The following ANKRD52 variants were observed in gnomAD, a reference collection of about 807,000 sequenced individuals.
ANKRD52 encodes serine/threonine-protein phosphatase 6 regulatory ankyrin repeat subunit C.
A neutral mutation model predicts 116.0 loss-of-function variants in ANKRD52; 7 were observed. That is an observed-to-expected ratio of 0.06 (90% confidence interval 0.03 to 0.11). ANKRD52 has a LOEUF of 0.11. ANKRD52 is among the 10% of genes least tolerant of loss of function. The pLI is 1.00. For synonymous variants in ANKRD52, 528 were observed against 578.1 expected, an observed-to-expected ratio of 0.91 and a Z score of 1.24; for missense variants, 839 against 1,408.6, an observed-to-expected ratio of 0.60 and a Z score of 6.47.
chr12:56,258,188 T>G, intron 1 of ANKRD52, 55 bp downstream of exon 1: 1 of 1,578,238 alleles, frequency 6.3e-7, no homozygotes, highest in South Asian at 1.2e-5. Context: ...CGGGCTCGCG[T>G]GACGGCAGCG....
In ANKRD52 at chr12:56,248,159, C is replaced by T; in HGVS notation, c.1842G>A (p.Arg614=). 1 of 1,613,942 alleles carries T rather than the reference C, an allele frequency of 6.2e-7. No homozygotes were observed. Among genetic ancestry groups the T allele is most frequent in the Non-Finnish European group, 8.5e-7 (1 of 1,179,900 alleles). ...LAETLVNLDV[R]DHKGRTALFL... is the part of the protein sequence containing the mutation. Reference sequence around the variant, plus strand: ...AGAGTGCGGTCCGGCCCTTGTGGTCCCTTACGTCCAGATTCACCAGCGTCT... The same window carrying T: ...AGAGTGCGGTCCGGCCCTTGTGGTCTCTTACGTCCAGATTCACCAGCGTCT... The change falls in exon 18 of 28, where the codon AGG becomes AGA. Residue 614 remains arginine, a synonymous_variant. Coordinates refer to ENST00000267116, the MANE Select transcript of ANKRD52 (RefSeq NM_173595.4). This position sits in a 1 kb window ranked among gnomAD's most constrained non-coding sequence, Gnocchi z 5.1.
Position 56,242,806 on chromosome 12 carries a change from A to G in ANKRD52, c.*336T>C. On this transcript the variant is annotated 3_prime_UTR_variant, in exon 28 of 28. Transcript: ENST00000267116. This position sits in a 1 kb window ranked among gnomAD's most constrained non-coding sequence, Gnocchi z 4.3. ...AAGGGGGACACAGAGAGGAGTCCCC[A>G]GGGAAGAGTCGGGGGAGCTGGCAGC... 1 of 299,872 alleles carries G rather than the reference A, an allele frequency of 3.3e-6. No individual in the cohort carries two copies. Among genetic ancestry groups the G allele is most frequent in the Non-Finnish European group, 6.3e-6 (1 of 159,440 alleles). The allele number at this position is 299,872 out of a possible 1,614,324, so 18.6% of individuals were successfully genotyped here. A position where few individuals can be genotyped will look rare whatever the true frequency, so the allele number is the denominator to read the frequency against.
Position 56,252,894 on chromosome 12 carries a change from T to C in ANKRD52, c.1187A>G (p.Gln396Arg). ...DCCRKLLSSG[Q>R]LYSIVSSLSN... is the part of the protein sequence containing the mutation. ...GAGTGAAGACACAATGCTGTACAACTGACCTGGAGGCACAGAACAGCCACA... is the reference window on the plus strand; with the variant it reads ...GAGTGAAGACACAATGCTGTACAACCGACCTGGAGGCACAGAACAGCCACA... Residue 396 changes from glutamine (Q) to arginine (R), a missense_variant, in exon 12 of 28, where the codon CAG becomes CGG. Gln to Arg is a conservative substitution (Grantham distance 43). Transcript: ENST00000267116. This position sits in a 1 kb window ranked among gnomAD's most constrained non-coding sequence, Gnocchi z 4.7. 2 of 1,613,660 alleles carry C rather than the reference T, an allele frequency of 1.2e-6. No homozygotes were observed. The highest frequency in any genetic ancestry group is 1.7e-6 in the Non-Finnish European group (2 of 1,179,780).
Position 56,255,754 on chromosome 12 carries a change from C to T in ANKRD52, c.462+30G>A. 1 of 1,530,106 alleles carries T rather than the reference C, an allele frequency of 6.5e-7. No homozygotes were observed. The highest frequency in any genetic ancestry group is 1.9e-5 in the Admixed American group (1 of 51,596). 94.8% of individuals were successfully genotyped at this position (1,530,106 alleles called of 1,614,324 possible). ...AGGAAGGTAAGAAAAGGGAAAGCCC[C>T]AGCTGGGCCTGGATGGGAACAGTCC... On this transcript the variant is annotated intron_variant, in intron 5 of 27. Transcript: ENST00000267116. The surrounding 1 kb of genome is among the most constrained non-coding windows in gnomAD (Gnocchi z 4.3).
chr12:56,252,919 A>G lies in ANKRD52; in HGVS notation c.1184-22T>C. On this transcript the variant is annotated intron_variant, in intron 11 of 27. Transcript: ENST00000267116. The surrounding 1 kb of genome is among the most constrained non-coding windows in gnomAD (Gnocchi z 4.7). ...TGACCTGGAGGCACAGAACAGCCAC[A>G]GGTCACATCTGAGAGTGTTCAGCAG... 6.2e-7 allele frequency: 1 copy of G among 1,611,014 alleles called. No homozygotes were observed.
Position 56,253,535 on chromosome 12 carries a change from G to A in ANKRD52, c.986-133C>T. On this transcript the variant is annotated intron_variant, in intron 9 of 27. Coordinates refer to ENST00000267116, the MANE Select transcript of ANKRD52 (RefSeq NM_173595.4). The surrounding 1 kb of genome is among the most constrained non-coding windows in gnomAD (Gnocchi z 5.5). Reference sequence around the variant, plus strand: ...CCCAGGATTCTACATATTTTATCCTGTTTCTAGGCCTTAGGAGACTGGGCA... The same window carrying A: ...CCCAGGATTCTACATATTTTATCCTATTTCTAGGCCTTAGGAGACTGGGCA... The A allele has an allele frequency of 1.1e-6, 1 of 941,478 alleles. No individual in the cohort carries two copies. The highest frequency in any genetic ancestry group is 1.6e-6 in the Non-Finnish European group (1 of 611,788). 58.3% of individuals were successfully genotyped at this position (941,478 alleles called of 1,614,324 possible). A position where few individuals can be genotyped will look rare whatever the true frequency, so the allele number is the denominator to read the frequency against.
Position 56,239,839 on chromosome 12 carries a change from C to G in ANKRD52, c.*3303G>C, listed in dbSNP as rs1486690794. ...GTGGTGGAAACAGTATTGAGTTTTCCTTTGGTTACATATTGAAGGCAAAGG... is the reference window on the plus strand; with the variant it reads ...GTGGTGGAAACAGTATTGAGTTTTCGTTTGGTTACATATTGAAGGCAAAGG... On this transcript the variant is annotated 3_prime_UTR_variant, in exon 28 of 28. Coordinates refer to ENST00000267116, the MANE Select transcript of ANKRD52 (RefSeq NM_173595.4). 6.6e-6 allele frequency: 1 copy of G among 152,268 alleles called. No homozygotes were observed. The highest frequency in any genetic ancestry group is 6.5e-5 in the Admixed American group (1 of 15,268). 9.4% of individuals were successfully genotyped at this position (152,268 alleles called of 1,614,324 possible). A position where few individuals can be genotyped will look rare whatever the true frequency, so the allele number is the denominator to read the frequency against.
Position 56,242,013 on chromosome 12 carries a change from C to A in ANKRD52, c.*1129G>T. ...AGCCTGGGTCCCGAGTAGCCACGGT[C>A]CCTTGTCGGCCCTGCCCCTCCTACC... On this transcript the variant is annotated 3_prime_UTR_variant, in exon 28 of 28. Coordinates refer to ENST00000267116, the MANE Select transcript of ANKRD52 (RefSeq NM_173595.4). This position sits in a 1 kb window ranked among gnomAD's most constrained non-coding sequence, Gnocchi z 4.3. 2.5e-6 allele frequency: 1 copy of A among 398,598 alleles called. No homozygotes were observed. The highest frequency in any genetic ancestry group is 1.3e-4 in the South Asian group (1 of 7,846). The allele number at this position is 398,598 out of a possible 1,614,324, so 24.7% of individuals were successfully genotyped here.
chr12:56,257,801 T>G, intron 2 of ANKRD52, 27 bp downstream of exon 2: 2 of 1,608,556 alleles, frequency 1.2e-6, no homozygotes, highest in Non-Finnish European at 1.7e-6. Flanking sequence ...GATTCCGGTC[T>G]CGCCATCCTC....
At chr12:56,256,648 T>C (rs935847680) in intron 4 of ANKRD52, among the ~76,000 whole-genome samples, 1 of 152,196 alleles carries the variant, frequency 6.6e-6, no homozygotes, top group African/African-American at 2.4e-5. Context: ...TCAAGCTGCT[T>C]GAGGGCCAAG....
rs556032441 is a variant in ANKRD52, at chr12:56,251,133, G to A, written c.1592+882C>T. Among the ~76,000 whole-genome samples, 8 of 152,124 alleles carry A rather than the reference G, an allele frequency of 5.3e-5. No individual in the cohort carries two copies. The East Asian group carries it at 1.2e-3, about 22-fold the overall frequency. The stretch of plus-strand genomic sequence containing the variant: ...TTTTTATATTTTTAGTAGAGACGGG[G>A]TTTCACCACGTTGGCCAGGCTGGTC... On this transcript the variant is annotated intron_variant, in intron 15 of 27. Transcript: ENST00000267116.
chr12:56,247,359 AAAAAAG>A (rs1871459862), intron 20 of ANKRD52, 128 bp downstream of exon 20: 1 of 768,162 alleles, frequency 1.3e-6, no homozygotes, highest in Non-Finnish European at 2.0e-6. Context: ...AAAAAAAAAA[AAAAAAG>A]AAAAAGAAAA....
chr12:56,247,346 CAAAAAAAA>C (rs1007977970), intron 20 of ANKRD52, 139 bp downstream of exon 20: 1 of 486,968 alleles, frequency 2.1e-6, no homozygotes, highest in Non-Finnish European at 3.3e-6. Flanking sequence ...GACCCTGTCT[CAAAAAAAA>C]AAAAAAAAAA....
rs377583246 is a variant in ANKRD52, at chr12:56,253,359, C to T, written c.1029G>A (p.Leu343=). 1.6e-5 allele frequency: 26 copies of T among 1,613,866 alleles called. No homozygotes were observed. Among genetic ancestry groups the T allele is most frequent in the Non-Finnish European group, 2.1e-5 (25 of 1,179,872 alleles). The part of the protein sequence containing the change: ...DCADKFGNTP[L]HVAARYGHEL... ...CGTGTCCATATCGAGCAGCCACATG[C>T]AGTGGCGTGTTCCCAAATTTGTCGG... is the stretch of plus-strand genomic sequence containing the variant. The change falls in exon 10 of 28, where the codon CTG becomes CTA. Residue 343 remains leucine (L), a synonymous_variant. Coordinates refer to ENST00000267116, the MANE Select transcript of ANKRD52 (RefSeq NM_173595.4). The surrounding 1 kb of genome is among the most constrained non-coding windows in gnomAD (Gnocchi z 5.5).
intron 1 of ANKRD52, 77 bp from the exon 2 acceptor site, chr12:56,257,988 C>T (rs1482329701): frequency 1.4e-6 from 2 of 1,430,806 alleles, no homozygotes; most frequent in African/African-American, 1.4e-5. Context: ...TGGGGGAGCA[C>T]CTAGGTTTGA....
rs944948129 is a variant in ANKRD52 at position 56,242,977 on chromosome 12, A to C, written c.*165T>G. On this transcript the variant is annotated 3_prime_UTR_variant, in exon 28 of 28. Transcript: ENST00000267116. This position sits in a 1 kb window ranked among gnomAD's most constrained non-coding sequence, Gnocchi z 4.3. ...TCAGTCCCAGACCCCTGCCAGGCCA[A>C]GATGGTGTGGCAAAGGGGTGAGCAG... is the stretch of plus-strand genomic sequence containing the variant. 1.0e-5 allele frequency: 11 copies of C among 1,053,842 alleles called. No individual in the cohort carries two copies. In the East Asian group the frequency reaches 2.6e-4, roughly 25 times the overall value. The allele number at this position is 1,053,842 out of a possible 1,614,324, so 65.3% of individuals were successfully genotyped here. A position where few individuals can be genotyped will look rare whatever the true frequency, so the allele number is the denominator to read the frequency against.
chr12:56,251,414 T>C (rs1329165220), intron 15 of ANKRD52, among the ~76,000 whole-genome samples: 1 of 151,718 alleles, frequency 6.6e-6, no homozygotes, highest in African/African-American at 2.4e-5. Flanking sequence ...CTGGTTAATT[T>C]TTTGTATTTT....
In ANKRD52 at chr12:56,254,526, A is replaced by G; in HGVS notation, c.693+52T>C. 1 of 1,597,922 alleles carries G rather than the reference A, an allele frequency of 6.3e-7. No individual in the cohort carries two copies. The highest frequency in any genetic ancestry group is 1.1e-5 in the South Asian group (1 of 89,636). On this transcript the variant is annotated intron_variant, in intron 7 of 27. Coordinates refer to ENST00000267116, the MANE Select transcript of ANKRD52 (RefSeq NM_173595.4). The surrounding 1 kb of genome is among the most constrained non-coding windows in gnomAD (Gnocchi z 4.6). ...ACCTCATATCTCCGTAACAGACTATAATCTCCTACTTGCTGCCCATAGTTC... is the reference window on the plus strand; with the variant it reads ...ACCTCATATCTCCGTAACAGACTATGATCTCCTACTTGCTGCCCATAGTTC...
rs756126914 is a variant in ANKRD52, at chr12:56,252,067, C to A, written c.1540G>T (p.Asp514Tyr). ...TTCAGTGGCTCGTCCTCTTCGGCAT[C>A]ATGGCTGGAAGGTGTATGGGGTTCC... ...RAEPHTPSSH[D>Y]AEEDEPLKES... Residue 514 changes from aspartate to tyrosine, a missense_variant, in exon 15 of 28, where the codon GAT becomes TAT. By Grantham distance (160) the Asp-to-Tyr change is radical (BLOSUM62 -3). Coordinates refer to ENST00000267116, the MANE Select transcript of ANKRD52 (RefSeq NM_173595.4). This position sits in a 1 kb window ranked among gnomAD's most constrained non-coding sequence, Gnocchi z 4.7. The A allele has an allele frequency of 1.9e-6, 3 of 1,613,822 alleles. No individual in the cohort carries two copies. Among genetic ancestry groups the A allele is most frequent in the African/African-American group, 1.3e-5 (1 of 74,900 alleles).
Sources: allele counts gnomAD v4.1 joint callset (sites outside exome capture counted in the v4.1 genomes callset), GRCh38; gene constraint gnomAD v4.1.1; non-coding constraint Gnocchi (gnomAD v3.1); transcripts MANE v1.5; gene names NCBI Gene and HGNC (gene_info 2026-07-23, HGNC 2026-07-21).